The following ALG14 variants were observed in gnomAD, a reference collection of about 807,000 sequenced individuals.
ALG14 encodes UDP-N-acetylglucosamine transferase subunit ALG14.
ALG14 carries 17 observed loss-of-function variants against 22.8 expected under a neutral mutation model. The observed-to-expected ratio is 0.75, with a 90% CI of 0.51 to 1.12. The LOEUF is 1.12. Ranked by LOEUF, ALG14 falls within the 50% of genes most tolerant of loss-of-function variation. The pLI, the probability that ALG14 is intolerant of heterozygous loss-of-function variation, is 0.00. For synonymous variants in ALG14, 89 were observed against 103.7 expected (o/e 0.86, Z 0.86); for missense variants, 288 against 271.8 (o/e 1.06, Z -0.42).
chr1:95,027,222 C>T lies in ALG14; in HGVS notation c.327G>A (p.Arg109=). 1 of 1,614,146 alleles carries T rather than the reference C, an allele frequency of 6.2e-7. No homozygotes were observed. Among genetic ancestry groups the T allele is most frequent in the Non-Finnish European group, 8.5e-7 (1 of 1,180,008 alleles). ...TGGAGGGCCAGGACTGCTGAACCTC[C>T]CGGCTTCTTGGAATTCGGTGAATGT... is the stretch of plus-strand genomic sequence containing the variant. ...KYYIHRIPRS[R]EVQQSWPSTV... is the part of the protein sequence containing the mutation. The change falls in exon 3 of 4, where the codon CGG becomes CGA. Residue 109 remains arginine (R), a synonymous_variant. Transcript: ENST00000370205.
rs565104356 is a variant in ALG14, at chr1:95,008,752, G to A, written c.420+18377C>T. Among the ~76,000 whole-genome samples the A allele has an allele frequency of 3.2e-3, 482 of 152,176 alleles. 1 individual carries two copies. The highest frequency in any genetic ancestry group is 0.011 in the African/African-American group (465 of 41,528). ...TAAGCACATTTACAAGGTTGTAATT[G>A]TGCTATCCATTTCTAGAACATTTTT... On this transcript the variant is annotated intron_variant, in intron 3 of 3. Transcript: ENST00000370205.
intron 3 of ALG14, among the ~76,000 whole-genome samples, chr1:95,002,983 C>G (rs890800236): frequency 7.2e-5 from 11 of 152,210 alleles, no homozygotes; most frequent in African/African-American, 2.7e-4. Context: ...GATGAAAGCA[C>G]TTAAGTGTGA....
intron 3 of ALG14, among the ~76,000 whole-genome samples, chr1:95,004,115 T>A (rs192969619): frequency 1.9e-3 from 286 of 152,126 alleles, no homozygotes; most frequent in Middle Eastern, 0.01. Context: ...ATAAGAAACC[T>A]GGGGCTTTGA....
intron 3 of ALG14, among the ~76,000 whole-genome samples, chr1:95,018,577 C>CGGAAGGAA (rs956297291): frequency 6.6e-6 from 1 of 151,496 alleles, no homozygotes; most frequent in African/African-American, 2.4e-5. Context: ...AAAAAAGGGA[C>CGGAAGGAA]GGAAGGAAGG....
At chr1:94,984,536 A>T (rs938192341) in intron 3 of ALG14, among the ~76,000 whole-genome samples, 1 of 152,208 alleles carries the variant, frequency 6.6e-6, no homozygotes, top group African/African-American at 2.4e-5. Context: ...AGATGAGACC[A>T]ATCTTCCTTA....
intron 3 of ALG14, among the ~76,000 whole-genome samples, chr1:95,021,147 A>G (rs1226414532): frequency 5.3e-5 from 8 of 152,210 alleles, no homozygotes; most frequent in African/African-American, 1.7e-4. Flanking sequence ...TTCCTATTCT[A>G]CTTTTTCCAG....
intron 2 of ALG14, among the ~76,000 whole-genome samples, chr1:95,060,129 A>AACACACACAC (rs60558070): frequency 7.0e-6 from 1 of 142,942 alleles, no homozygotes; most frequent in Non-Finnish European, 1.5e-5. Context: ...TACACACACA[A>AACACACACAC]ACACACACAC....
intron 3 of ALG14, among the ~76,000 whole-genome samples, chr1:94,994,485 A>G (rs1263626750): frequency 6.6e-6 from 1 of 152,224 alleles, no homozygotes; most frequent in Non-Finnish European, 1.5e-5. Flanking sequence ...CTTGCGAGGT[A>G]TAGAGTCTAC....
intron 2 of ALG14, among the ~76,000 whole-genome samples, chr1:95,037,930 C>T (rs949673673): frequency 1.3e-5 from 2 of 152,170 alleles, no homozygotes. Flanking sequence ...GTGAATAAGA[C>T]ATTCACAAGG....
At chr1:95,006,970 C>T (rs976234476) in intron 3 of ALG14, among the ~76,000 whole-genome samples, 15 of 152,156 alleles carry the variant, frequency 9.9e-5, no homozygotes, top group Non-Finnish European at 2.9e-5. Context: ...AGTGTGATGC[C>T]TAGAACCGAA....
chr1:94,983,115 T>C lies in ALG14; in HGVS notation c.612A>G (p.Glu204=), dbSNP rs1448970464. The change falls in exon 4 of 4, where the codon GAA becomes GAG. Residue 204 remains glutamate, a synonymous_variant. Transcript: ENST00000370205. ...CAAGGTACACCGATTTGGGATACTTTTCTTTCAGAGCCGGCCACTGAACAA... is the reference window on the plus strand; with the variant it reads ...CAAGGTACACCGATTTGGGATACTTCTCTTTCAGAGCCGGCCACTGAACAA... ...YFIVQWPALK[E]KYPKSVYLGR... 6.2e-7 allele frequency: 1 copy of C among 1,614,184 alleles called. No homozygotes were observed. The highest frequency in any genetic ancestry group is 1.1e-5 in the South Asian group (1 of 91,084).
In ALG14 at chr1:94,981,684, T is replaced by G. The variant is rs1259103998; in HGVS notation, c.*1392A>C. On this transcript the variant is annotated 3_prime_UTR_variant, in exon 4 of 4. Transcript: ENST00000370205. ...CTTTTCTGTTTTTTATTTTGTTTTG[T>G]TTTTTTTTTTTTTGGCTGCTTTGTT... The G allele has an allele frequency of 2.5e-5, 2 of 80,806 alleles. No individual in the cohort carries two copies. The highest frequency in any genetic ancestry group is 1.8e-3 in the East Asian group (2 of 1,118). The allele number at this position is 80,806 out of a possible 1,614,324, so 5.0% of individuals were successfully genotyped here. A position where few individuals can be genotyped will look rare whatever the true frequency, so the allele number is the denominator to read the frequency against.
intron 3 of ALG14, among the ~76,000 whole-genome samples, chr1:94,999,111 A>C (rs1672984948): frequency 6.6e-6 from 1 of 152,148 alleles, no homozygotes; most frequent in Non-Finnish European, 1.5e-5. Flanking sequence ...TAAAAACTCC[A>C]TGCTCCAGTC....
At chr1:94,991,081 C>T (rs1451757957) in intron 3 of ALG14, among the ~76,000 whole-genome samples, 3 of 152,232 alleles carry the variant, frequency 2.0e-5, no homozygotes, top group Admixed American at 1.3e-4. Flanking sequence ...AGTTTACTTA[C>T]CCATGCTATG....
rs558378135 is a variant in ALG14, at chr1:94,975,945, A to C, written c.*7131T>G. On this transcript the variant is annotated 3_prime_UTR_variant, in exon 4 of 4. Transcript: ENST00000370205. ...GGCAGGACAATGGCGTGAACCCAGG[A>C]GGCGGAGCTTGCAGTGAGCCGAGAT... is the stretch of plus-strand genomic sequence containing the variant. 5.7e-5 allele frequency: 8 copies of C among 140,138 alleles called. No homozygotes were observed. The South Asian group carries it at 1.9e-3, about 34-fold the overall frequency. 8.7% of individuals were successfully genotyped at this position (140,138 alleles called of 1,614,324 possible). A position where few individuals can be genotyped will look rare whatever the true frequency, so the allele number is the denominator to read the frequency against.
Position 95,019,504 on chromosome 1 carries a change from T to G in ALG14, c.420+7625A>C, listed in dbSNP as rs772263682. 1.3e-5 allele frequency among the ~76,000 whole-genome samples: 2 copies of G among 152,198 alleles called. 1 individual carries two copies. Among genetic ancestry groups the G allele is most frequent in the Non-Finnish European group, 2.9e-5 (2 of 68,028 alleles). On this transcript the variant is annotated intron_variant, in intron 3 of 3. Coordinates refer to ENST00000370205, the MANE Select transcript of ALG14 (RefSeq NM_144988.4). ...CATTCCACTTATCCTCATTCTTGAT[T>G]GTAAGGTCCTTTTGAAGAACATTTT...
At chr1:95,065,159 T>C in intron 1 of ALG14, 142 bp from the exon 2 acceptor site, 2 of 672,062 alleles carry the variant, frequency 3.0e-6, no homozygotes, top group South Asian at 5.1e-5. Context: ...ACAAGGAACA[T>C]TTGAAAACAA....
chr1:95,047,869 G>C (rs1012802200), intron 2 of ALG14, among the ~76,000 whole-genome samples: 9 of 152,050 alleles, frequency 5.9e-5, no homozygotes, highest in Non-Finnish European at 1.0e-4. Context: ...CTAGCTACTT[G>C]GGAAGCTGAG....
intron 2 of ALG14, among the ~76,000 whole-genome samples, chr1:95,040,178 A>AATAG (rs1395212944): frequency 7.0e-6 from 1 of 142,702 alleles, no homozygotes; most frequent in Non-Finnish European, 1.5e-5. Context: ...TCTCAAAATA[A>AATAG]ATAAATAAAT....
Sources: gnomAD v4.1 joint callset for allele counts (sites outside exome capture counted in the v4.1 genomes callset) on GRCh38, gnomAD v4.1.1 for gene constraint, MANE v1.5 for transcripts, NCBI Gene and HGNC (gene_info 2026-07-23, HGNC 2026-07-21) for gene names.